MAOA: variants seen among roughly 807,000 people sequenced by gnomAD.
MAOA encodes monoamine oxidase A.
A neutral mutation model predicts 42.0 loss-of-function variants in MAOA; 6 were observed. The ratio of observed to expected loss-of-function variants is 0.14; its 90% confidence interval spans 0.08 to 0.28. The LOEUF is 0.28. Among genes scored for constraint, MAOA ranks in the 10% least tolerant of loss-of-function variants. The pLI is 1.00. For missense variants in MAOA, 262 were observed against 422.3 expected (o/e 0.62, Z 3.33); for synonymous variants, 140 against 154.0 (o/e 0.91, Z 0.67).
intron 5 of MAOA, among the ~76,000 whole-genome samples, chrX:43,716,578 A>G (rs1253349364): frequency 9.1e-6 from 1 of 109,380 alleles, no homozygotes; most frequent in East Asian, 2.9e-4. Flanking sequence ...GGGAGATAGG[A>G]TAGTTGAATG....
intron 3 of MAOA, among the ~76,000 whole-genome samples, chrX:43,699,525 G>A (rs1237899331): frequency 1.8e-5 from 2 of 110,999 alleles, no homozygotes; most frequent in Admixed American, 9.6e-5. Context: ...TGCTTTTCAC[G>A]TCCTCTCTAA....
At chrX:43,727,399 G>A (rs1182213348) in intron 5 of MAOA, among the ~76,000 whole-genome samples, 2 of 112,098 alleles carry the variant, frequency 1.8e-5, no homozygotes, top group African/African-American at 6.5e-5. Flanking sequence ...GAGGCAGTAG[G>A]CCTTGCTGAG....
At chrX:43,709,910 A>G (rs2033687498) in intron 3 of MAOA, among the ~76,000 whole-genome samples, 1 of 112,166 alleles carries the variant, frequency 8.9e-6, no homozygotes, top group Non-Finnish European at 1.9e-5. Context: ...AAGATTTCTA[A>G]GTTTCACATT....
At chrX:43,657,287 A>G (rs952486152) in intron 1 of MAOA, among the ~76,000 whole-genome samples, 1 of 104,476 alleles carries the variant, frequency 9.6e-6, no homozygotes, top group African/African-American at 3.5e-5. Context: ...ATATATATAT[A>G]TATGAACTGT....
At chrX:43,740,365 A>G (rs952368681) in intron 10 of MAOA, among the ~76,000 whole-genome samples, 1 of 112,198 alleles carries the variant, frequency 8.9e-6, no homozygotes, top group Non-Finnish European at 1.9e-5. Context: ...GCTAAACTTA[A>G]TTGAATTCAT....
chrX:43,676,769 A>ATGTG (rs761762083), intron 1 of MAOA, among the ~76,000 whole-genome samples: 109 of 103,359 alleles, frequency 1.1e-3, no homozygotes, highest in Middle Eastern at 1.0e-2. Flanking sequence ...CATACAAAAA[A>ATGTG]TGTGTGTGTG....
intron 1 of MAOA, among the ~76,000 whole-genome samples, chrX:43,673,736 T>G (rs1380681274): frequency 8.9e-6 from 1 of 112,034 alleles, no homozygotes; most frequent in Non-Finnish European, 1.9e-5. Context: ...GTTGTTCAGT[T>G]TCCATGTACT....
intron 6 of MAOA, among the ~76,000 whole-genome samples, chrX:43,728,969 C>G (rs1408687979): frequency 8.8e-6 from 1 of 113,116 alleles, no homozygotes. Context: ...TTTCTGTTAT[C>G]CAAAGAGAAT....
At chrX:43,705,940 A>G (rs1464300359) in intron 3 of MAOA, among the ~76,000 whole-genome samples, 1 of 112,473 alleles carries the variant, frequency 8.9e-6, no homozygotes, top group Non-Finnish European at 1.9e-5. Context: ...GGATGGCTGT[A>G]ATAAAAAAGG....
intron 5 of MAOA, among the ~76,000 whole-genome samples, chrX:43,714,048 A>G (rs1355807738): frequency 2.7e-5 from 3 of 110,884 alleles, no homozygotes; most frequent in Non-Finnish European, 5.7e-5. Context: ...TAGGGTTGAT[A>G]GTAGTGGGGC....
intron 2 of MAOA, 139 bp from the exon 3 acceptor site, chrX:43,693,152 G>T: frequency 1.8e-6 from 1 of 557,051 alleles, no homozygotes; most frequent in Non-Finnish European, 3.0e-6. Context: ...AGGAAAGATT[G>T]CCATTTTCAG....
rs2033355275 is a variant in MAOA, at chrX:43,673,311, C to T, written c.74-10202C>T. Reference sequence around the variant, plus strand: ...TCCCCTTTATCATCTTTTATTGCATCTATTTGATTCTTCTCTCTTTTTTTC... The same window carrying T: ...TCCCCTTTATCATCTTTTATTGCATTTATTTGATTCTTCTCTCTTTTTTTC... On this transcript the variant is annotated intron_variant, in intron 1 of 14. Coordinates refer to ENST00000338702, the MANE Select transcript of MAOA (RefSeq NM_000240.4). Among the ~76,000 whole-genome samples, 4 of 110,738 alleles carry T rather than the reference C, an allele frequency of 3.6e-5. No homozygotes were observed. In the South Asian group the frequency reaches 1.5e-3, roughly 42 times the overall value.
chrX:43,709,589 G>A (rs1238661622), intron 3 of MAOA, among the ~76,000 whole-genome samples: 1 of 110,696 alleles, frequency 9.0e-6, no homozygotes, highest in Non-Finnish European at 1.9e-5. Flanking sequence ...GATCAGTTTT[G>A]CATTAGACTA....
chrX:43,674,544 A>G (rs1462876014), intron 1 of MAOA, among the ~76,000 whole-genome samples: 2 of 110,792 alleles, frequency 1.8e-5, no homozygotes, highest in Admixed American at 9.6e-5. Context: ...CCTAGTCTCA[A>G]TGGTCTTTAC....
chrX:43,675,771 C>T (rs2033389447), intron 1 of MAOA, among the ~76,000 whole-genome samples: 3 of 112,001 alleles, frequency 2.7e-5, no homozygotes, highest in African/African-American at 6.5e-5. Context: ...TCGTGAACCA[C>T]GAATGCTGCT....
At chrX:43,732,918 T>A in intron 9 of MAOA, 123 bp downstream of exon 9, 1 of 542,507 alleles carries the variant, frequency 1.8e-6, no homozygotes, top group East Asian at 3.4e-5. Flanking sequence ...TCAAAATATA[T>A]AATGTTTCCA....
intron 1 of MAOA, among the ~76,000 whole-genome samples, chrX:43,672,304 A>G (rs1443398553): frequency 5.4e-5 from 6 of 111,150 alleles, no homozygotes; most frequent in Non-Finnish European, 1.1e-4. Flanking sequence ...GTATCCTGAG[A>G]CTTTGCTGAA....
intron 3 of MAOA, among the ~76,000 whole-genome samples, chrX:43,708,941 A>G (rs894608923): frequency 1.8e-5 from 2 of 108,835 alleles, no homozygotes; most frequent in Non-Finnish European, 3.8e-5. Flanking sequence ...GCTCACTGCA[A>G]CCTCTGCCTC....
chrX:43,709,441 G>A (rs957075156), intron 3 of MAOA, among the ~76,000 whole-genome samples: 11 of 110,717 alleles, frequency 9.9e-5, no homozygotes, highest in South Asian at 3.9e-4. Flanking sequence ...ACAGAGTCTC[G>A]CTCTGTTGCC....
Sources: gnomAD v4.1 joint callset for allele counts (sites outside exome capture counted in the v4.1 genomes callset) on GRCh38, gnomAD v4.1.1 for gene constraint, MANE v1.5 for transcripts, NCBI Gene and HGNC (gene_info 2026-07-23, HGNC 2026-07-21) for gene names.